Variants in ENOX1 observed in about 807,000 individuals in gnomAD.
ENOX1 encodes candidate growth-related and time keeping constitutive hydroquinone (NADH) oxidase.
ENOX1 carries 42 observed loss-of-function variants against 82.5 expected under a neutral mutation model. The observed-to-expected ratio is 0.51, with a 90% CI of 0.40 to 0.66. ENOX1 has a LOEUF of 0.66. Ranked by LOEUF, ENOX1 falls within the 30% of genes least tolerant of loss-of-function variation. The pLI, the probability that ENOX1 is intolerant of heterozygous loss-of-function variation, is 0.00. For synonymous variants in ENOX1, 271 were observed against 282.2 expected (o/e 0.96, Z 0.40); for missense variants, 608 against 811.6 (o/e 0.75, Z 3.05).
chr13:43,605,416 A>T (rs2081935338), intron 2 of ENOX1, among the ~76,000 whole-genome samples: 1 of 152,234 alleles, frequency 6.6e-6, no homozygotes, highest in South Asian at 2.1e-4. Context: ...ATTATACTAT[A>T]GAGTTATAAT....
At chr13:43,595,915 C>A (rs1451552420) in intron 2 of ENOX1, among the ~76,000 whole-genome samples, 1 of 150,124 alleles carries the variant, frequency 6.7e-6, no homozygotes, top group Non-Finnish European at 1.5e-5. Context: ...ATTTTAAATT[C>A]TGTAGTCTCA....
At chr13:43,215,101 T>C (rs1040365072) in intron 16 of ENOX1, among the ~76,000 whole-genome samples, 1 of 152,228 alleles carries the variant, frequency 6.6e-6, no homozygotes, top group Non-Finnish European at 1.5e-5. Flanking sequence ...CTATTACACT[T>C]TTTCATGGTG....
At chr13:43,537,671 T>C (rs1226977156) in intron 2 of ENOX1, among the ~76,000 whole-genome samples, 1 of 152,156 alleles carries the variant, frequency 6.6e-6, no homozygotes, top group Non-Finnish European at 1.5e-5. Context: ...TCAAGTGAAA[T>C]TATAAAAGAT....
intron 3 of ENOX1, among the ~76,000 whole-genome samples, chr13:43,447,016 T>G (rs959030271): frequency 2.0e-5 from 3 of 152,182 alleles, no homozygotes; most frequent in Admixed American, 2.0e-4. Context: ...TAGAGGGCCA[T>G]GAGAACATAG....
chr13:43,362,191 T>A (rs988591194), intron 5 of ENOX1, among the ~76,000 whole-genome samples: 1 of 128,122 alleles, frequency 7.8e-6, no homozygotes, highest in Admixed American at 7.6e-5. Flanking sequence ...ACACACACAC[T>A]TGAAAATAGA....
chr13:43,591,930 C>T (rs1407070535), intron 2 of ENOX1, among the ~76,000 whole-genome samples: 1 of 152,102 alleles, frequency 6.6e-6, no homozygotes, highest in African/African-American at 2.4e-5. Context: ...CCAAAACAGC[C>T]CTGTGCCAGG....
chr13:43,647,792 C>A (rs1442766676), intron 2 of ENOX1, among the ~76,000 whole-genome samples: 1 of 152,100 alleles, frequency 6.6e-6, no homozygotes, highest in African/African-American at 2.4e-5. Flanking sequence ...TGATTAATGG[C>A]CTGGAGATGG....
chr13:43,606,852 T>TA (rs548543169), intron 2 of ENOX1, among the ~76,000 whole-genome samples: 189 of 151,538 alleles, frequency 1.2e-3, no homozygotes, highest in Admixed American at 2.2e-3. Context: ...CCATCTCTAC[T>TA]AAAAAAAATA....
At chr13:43,697,123 T>C (rs1021127155) in intron 1 of ENOX1, among the ~76,000 whole-genome samples, 1 of 152,192 alleles carries the variant, frequency 6.6e-6, no homozygotes, top group African/African-American at 2.4e-5. Flanking sequence ...ACAGAAAGGA[T>C]GGTCAAATCT....
intron 14 of ENOX1, among the ~76,000 whole-genome samples, chr13:43,253,096 T>C (rs1418895644): frequency 1.3e-5 from 2 of 152,200 alleles, no homozygotes; most frequent in African/African-American, 4.8e-5. Context: ...TTTCATTAAG[T>C]GTGGATATTT....
chr13:43,299,687 C>G (rs1274501248), intron 11 of ENOX1, among the ~76,000 whole-genome samples: 1 of 152,188 alleles, frequency 6.6e-6, no homozygotes, highest in African/African-American at 2.4e-5. Flanking sequence ...TCTCCCACCA[C>G]TCTCCCTTTA....
At chr13:43,373,759 C>T (rs1315401185) in intron 5 of ENOX1, among the ~76,000 whole-genome samples, 1 of 152,188 alleles carries the variant, frequency 6.6e-6, no homozygotes, top group Non-Finnish European at 1.5e-5. Context: ...ACCCATACTC[C>T]CCCATAGCTT....
At chr13:43,771,933 A>ATTTTTTTTTTT (rs34718451) in intron 1 of ENOX1, among the ~76,000 whole-genome samples, 620 of 100,924 alleles carry the variant, frequency 6.1e-3, no homozygotes, top group Non-Finnish European at 8.3e-3. Flanking sequence ...CGCCCGGCTA[A>ATTTTTTTTTTT]TTTTTTTTTT....
intron 3 of ENOX1, among the ~76,000 whole-genome samples, chr13:43,436,269 A>G (rs1021395562): frequency 6.6e-6 from 1 of 152,242 alleles, no homozygotes; most frequent in Non-Finnish European, 1.5e-5. Context: ...TTTATAAAAG[A>G]TAGACTGAAA....
At chr13:43,262,272 T>A (rs1335937533) in intron 14 of ENOX1, among the ~76,000 whole-genome samples, 1 of 152,196 alleles carries the variant, frequency 6.6e-6, no homozygotes, top group Non-Finnish European at 1.5e-5. Context: ...TTTTGCTTTT[T>A]ACTTTTATAA....
At chr13:43,501,107 T>C (rs867457822) in intron 2 of ENOX1, among the ~76,000 whole-genome samples, 49 of 151,724 alleles carry the variant, frequency 3.2e-4, no homozygotes, top group African/African-American at 1.2e-3. Context: ...TTCAACTATG[T>C]GTTGTCTACA....
chr13:43,267,026 G>C lies in ENOX1; in HGVS notation c.1555-1572C>G, dbSNP rs558266309. On this transcript the variant is annotated intron_variant, in intron 13 of 16. Transcript: ENST00000690772. ...CTCTAACTCTGCTCTCGCTTTTTCT[G>C]CTCCTGTTTATTCTCCCCTCACTCC... is the stretch of plus-strand genomic sequence containing the variant. 2.0e-5 allele frequency among the ~76,000 whole-genome samples: 3 copies of C among 152,064 alleles called. No individual in the cohort carries two copies. The South Asian group carries it at 6.2e-4, about 32-fold the overall frequency.
At chr13:43,594,276 TA>T (rs11361077) in intron 2 of ENOX1, among the ~76,000 whole-genome samples, 147,935 of 152,274 alleles carry the variant, frequency 0.97, 71,999 homozygotes, top group Non-Finnish European at 1. Flanking sequence ...CATCCCTTCT[TA>T]AAAAACTGTT....
intron 2 of ENOX1, among the ~76,000 whole-genome samples, chr13:43,508,298 C>T (rs1212797515): frequency 6.6e-6 from 1 of 151,958 alleles, no homozygotes; most frequent in Non-Finnish European, 1.5e-5. Context: ...TGCTCTTCCT[C>T]CTCTTCTATG....
Sources: allele counts gnomAD v4.1 joint callset (sites outside exome capture counted in the v4.1 genomes callset), GRCh38; gene constraint gnomAD v4.1.1; transcripts MANE v1.5; gene names NCBI Gene and HGNC (gene_info 2026-07-23, HGNC 2026-07-21).